CNTNAP2: variants seen among roughly 807,000 people sequenced by gnomAD.
CNTNAP2 encodes the protein contactin-associated protein-like 2.
CNTNAP2 carries 98 observed loss-of-function variants against 155.2 expected under a neutral mutation model. The ratio of observed to expected loss-of-function variants is 0.63; its 90% CI spans 0.54 to 0.75. CNTNAP2 has a LOEUF of 0.75. Among genes scored for constraint, CNTNAP2 ranks in the 30% least tolerant of loss-of-function variants. The probability of loss-of-function intolerance (pLI) is 0.00; values close to 1 mark genes in which losing one functional copy is unlikely to be tolerated. For missense variants in CNTNAP2, 1,727 were observed against 1,688.1 expected, an observed-to-expected ratio of 1.02 and a Z score of -0.40; for synonymous variants, 651 against 631.2, an observed-to-expected ratio of 1.03 and a Z score of -0.47.
intron 3 of CNTNAP2, among the ~76,000 whole-genome samples, chr7:146,963,576 A>G (rs1489243194): frequency 1.3e-5 from 2 of 152,158 alleles, no homozygotes; most frequent in Admixed American, 6.6e-5. Context: ...ATAAAACACA[A>G]TGTCTTAAAT....
At chr7:148,160,764 T>C (rs1280096683) in intron 17 of CNTNAP2, among the ~76,000 whole-genome samples, 1 of 152,170 alleles carries the variant, frequency 6.6e-6, no homozygotes, top group Non-Finnish European at 1.5e-5. Context: ...GTGGTGGTTG[T>C]TGTTGTTTTT....
At chr7:147,009,199 A>T (rs1383892448) in intron 3 of CNTNAP2, among the ~76,000 whole-genome samples, 2 of 152,064 alleles carry the variant, frequency 1.3e-5, no homozygotes, top group East Asian at 3.9e-4. Flanking sequence ...TAAATGTATC[A>T]CCTCTTGCTA....
At chr7:146,641,101 C>T (rs967775126) in intron 1 of CNTNAP2, among the ~76,000 whole-genome samples, 2 of 151,962 alleles carry the variant, frequency 1.3e-5, no homozygotes, top group African/African-American at 2.4e-5. Flanking sequence ...CTGAGGTGGG[C>T]GGATCACAAG....
chr7:147,703,534 A>G (rs890115380), intron 13 of CNTNAP2, among the ~76,000 whole-genome samples: 1 of 152,174 alleles, frequency 6.6e-6, no homozygotes, highest in African/African-American at 2.4e-5. Context: ...GACAAAAAAT[A>G]CTTTTTCACT....
At chr7:147,152,169 T>C (rs1417233963) in intron 8 of CNTNAP2, among the ~76,000 whole-genome samples, 1 of 152,118 alleles carries the variant, frequency 6.6e-6, no homozygotes, top group African/African-American at 2.4e-5. Flanking sequence ...TTAAATCTGC[T>C]TCTGGAAACT....
At chr7:147,744,471 C>A (rs1806606928) in intron 13 of CNTNAP2, among the ~76,000 whole-genome samples, 1 of 152,318 alleles carries the variant, frequency 6.6e-6, no homozygotes, top group African/African-American at 2.4e-5. Context: ...ATATGTAGCG[C>A]TCTCCTTCAT....
chr7:146,443,321 C>T (rs1375799729), intron 1 of CNTNAP2, among the ~76,000 whole-genome samples: 2 of 152,014 alleles, frequency 1.3e-5, no homozygotes, highest in Non-Finnish European at 2.9e-5. Context: ...TTATACTTTA[C>T]GACCATCTTT....
At chr7:147,809,437 A>G (rs1012093013) in intron 13 of CNTNAP2, among the ~76,000 whole-genome samples, 4 of 152,194 alleles carry the variant, frequency 2.6e-5, no homozygotes, top group Non-Finnish European at 5.9e-5. Context: ...TGAATATCAG[A>G]TATGGAAAGG....
chr7:147,271,627 C>T (rs1374762296), intron 8 of CNTNAP2, among the ~76,000 whole-genome samples: 1 of 152,136 alleles, frequency 6.6e-6, no homozygotes, highest in African/African-American at 2.4e-5. Flanking sequence ...AGGCGAAAAG[C>T]ATGTCTGACA....
chr7:147,932,711 G>A (rs1800528416), intron 14 of CNTNAP2, among the ~76,000 whole-genome samples: 1 of 152,088 alleles, frequency 6.6e-6, no homozygotes, highest in South Asian at 2.1e-4. Flanking sequence ...AGAGCAAGAG[G>A]TATACTATGT....
At chr7:148,158,372 G>A (rs947458942) in intron 17 of CNTNAP2, among the ~76,000 whole-genome samples, 12 of 151,798 alleles carry the variant, frequency 7.9e-5, no homozygotes, top group African/African-American at 2.7e-4. Context: ...ACAGGCACAC[G>A]TCACCACACC....
chr7:148,113,876 A>G (rs1804407457), intron 15 of CNTNAP2, among the ~76,000 whole-genome samples: 1 of 152,274 alleles, frequency 6.6e-6, no homozygotes, highest in Middle Eastern at 3.4e-3. Flanking sequence ...CTGCCTCATT[A>G]TTCTGTTACT....
intron 1 of CNTNAP2, among the ~76,000 whole-genome samples, chr7:146,397,956 C>A (rs1639486): frequency 1.4e-4 from 21 of 150,596 alleles, no homozygotes; most frequent in Non-Finnish European, 2.7e-4. Context: ...TCACTGCAGC[C>A]TCAAATTCTT....
rs565413855 is a variant in CNTNAP2, at chr7:148,193,624, G to A, written c.3010+21146G>A. On this transcript the variant is annotated intron_variant, in intron 18 of 23. Transcript: ENST00000361727. The stretch of plus-strand genomic sequence containing the variant: ...GTGGCAGAGTCTGGACCAAAGCTCA[G>A]GGCCTCTAACTCCTCCTCTATGGTG... 2.8e-3 allele frequency among the ~76,000 whole-genome samples: 428 copies of A among 152,130 alleles called. 1 individual carries two copies. The highest frequency in any genetic ancestry group is 0.014 in the Middle Eastern group (4 of 294).
chr7:147,785,117 A>G (rs1158611470), intron 13 of CNTNAP2, among the ~76,000 whole-genome samples: 1 of 152,158 alleles, frequency 6.6e-6, no homozygotes, highest in Non-Finnish European at 1.5e-5. Context: ...GGAGCTCAAG[A>G]GGAGGTCTTG....
chr7:148,150,626 T>C (rs1346955369), intron 17 of CNTNAP2, among the ~76,000 whole-genome samples: 1 of 152,164 alleles, frequency 6.6e-6, no homozygotes, highest in Non-Finnish European at 1.5e-5. Context: ...CTCCAAACTA[T>C]TCAGTTAGAA....
At chr7:148,092,628 G>T (rs1803867555) in intron 15 of CNTNAP2, among the ~76,000 whole-genome samples, 1 of 152,104 alleles carries the variant, frequency 6.6e-6, no homozygotes, top group African/African-American at 2.4e-5. Flanking sequence ...ACATTTTACT[G>T]TGATTTAAAA....
At chr7:146,867,180 T>C (rs983998551) in intron 3 of CNTNAP2, among the ~76,000 whole-genome samples, 1 of 152,046 alleles carries the variant, frequency 6.6e-6, no homozygotes, top group African/African-American at 2.4e-5. Context: ...CAAACTTCTG[T>C]CCTCGAGAAG....
chr7:148,357,438 A>G (rs1028323464), intron 21 of CNTNAP2, among the ~76,000 whole-genome samples: 1 of 151,984 alleles, frequency 6.6e-6, no homozygotes, highest in Non-Finnish European at 1.5e-5. Context: ...ATGCTCATTG[A>G]TTTCTTGGTT....
Sources: allele counts gnomAD v4.1 joint callset (sites outside exome capture counted in the v4.1 genomes callset), GRCh38; gene constraint gnomAD v4.1.1; transcripts MANE v1.5; gene names NCBI Gene and HGNC (gene_info 2026-07-23, HGNC 2026-07-21).